SGCG: variants seen among roughly 807,000 people sequenced by gnomAD.
SGCG encodes gamma-sarcoglycan.
A neutral mutation model predicts 29.3 loss-of-function variants in SGCG; 26 were observed. The ratio of observed to expected loss-of-function variants is 0.89; its 90% CI spans 0.65 to 1.23. SGCG has a LOEUF of 1.23. Ranked by LOEUF, SGCG falls within the 50% of genes most tolerant of loss-of-function variation. The pLI is 0.00. For missense variants in SGCG, 353 were observed against 356.0 expected, an observed-to-expected ratio of 0.99 and a Z score of 0.07; for synonymous variants, 145 against 129.7, an observed-to-expected ratio of 1.12 and a Z score of -0.80.
intron 2 of SGCG, among the ~76,000 whole-genome samples, chr13:23,217,773 T>C (rs7995529): frequency 0.092 from 13,979 of 151,994 alleles, 860 homozygotes; most frequent in South Asian, 0.2. Flanking sequence ...ATGCTTTTAC[T>C]GAGATCGCAC....
chr13:23,300,542 A>G (rs1299058047), intron 6 of SGCG, among the ~76,000 whole-genome samples: 1 of 152,112 alleles, frequency 6.6e-6, no homozygotes, highest in Non-Finnish European at 1.5e-5. Flanking sequence ...GTCACAAGAA[A>G]GATTGCTATT....
intron 3 of SGCG, chr13:23,246,002 G>C (rs925028728): frequency 1.3e-5 from 2 of 152,626 alleles, no homozygotes; most frequent in Non-Finnish European, 2.9e-5. Context: ...ACCAGCTCTT[G>C]GTTCAGCAAT....
Position 23,188,732 on chromosome 13 carries a change from T to G in SGCG, c.-1+7657T>G, listed in dbSNP as rs567818245. On this transcript the variant is annotated intron_variant, in intron 1 of 7. Transcript: ENST00000218867. The stretch of plus-strand genomic sequence containing the variant: ...GAATGTCCAAAATGGCCTAGATCCC[T>G]TCTGAGGATAGGAATGTGGCAAGTA... Among the ~76,000 whole-genome samples the G allele has an allele frequency of 2.6e-5, 4 of 152,282 alleles. No individual in the cohort carries two copies. In the South Asian group the frequency reaches 8.3e-4, roughly 32 times the overall value.
intron 1 of SGCG, among the ~76,000 whole-genome samples, chr13:23,182,764 AG>A (rs1433803441): frequency 6.6e-6 from 1 of 152,214 alleles, no homozygotes; most frequent in Non-Finnish European, 1.5e-5. Context: ...ACTGGTGGGT[AG>A]GACCACTGAG....
At chr13:23,200,992 A>G (rs1877727316) in intron 1 of SGCG, among the ~76,000 whole-genome samples, 1 of 152,094 alleles carries the variant, frequency 6.6e-6, no homozygotes, top group South Asian at 2.1e-4. Flanking sequence ...TGAAATGGGA[A>G]GCCACGGGAA....
At chr13:23,210,746 A>T (rs1878167265) in intron 2 of SGCG, among the ~76,000 whole-genome samples, 1 of 152,208 alleles carries the variant, frequency 6.6e-6, no homozygotes, top group African/African-American at 2.4e-5. Context: ...AACTCAGTTT[A>T]TCCTCATAAT....
chr13:23,304,763 A>T (rs926642260), intron 6 of SGCG, among the ~76,000 whole-genome samples: 34 of 152,106 alleles, frequency 2.2e-4, no homozygotes, highest in African/African-American at 7.7e-4. Flanking sequence ...GCCATCATGC[A>T]TGGCTAATTT....
chr13:23,208,831 A>G (rs1593173728), intron 2 of SGCG, among the ~76,000 whole-genome samples: 1 of 152,266 alleles, frequency 6.6e-6, no homozygotes, highest in South Asian at 2.1e-4. Context: ...TTATATTTTC[A>G]TTCTATAAAA....
At chr13:23,195,788 T>C (rs931658566) in intron 1 of SGCG, among the ~76,000 whole-genome samples, 2 of 152,120 alleles carry the variant, frequency 1.3e-5, no homozygotes, top group Non-Finnish European at 2.9e-5. Flanking sequence ...TTTAGTGTGC[T>C]GTGCTGAGCA....
At chr13:23,179,439 T>C (rs1358697265), upstream of SGCG, among the ~76,000 whole-genome samples, 1 of 152,190 alleles carries the variant, frequency 6.6e-6, no homozygotes, top group Non-Finnish European at 1.5e-5. Context: ...CAATTTACGA[T>C]TGATGAAGAG....
chr13:23,188,480 A>ATTT (rs71218545), intron 1 of SGCG, among the ~76,000 whole-genome samples: 6,299 of 120,206 alleles, frequency 0.052, 457 homozygotes, highest in African/African-American at 0.14. Flanking sequence ...CGCCTGCCTA[A>ATTT]TTTTTTTTTT....
At chr13:23,320,878 T>A in intron 7 of SGCG, 118 bp downstream of exon 7, 3 of 1,072,672 alleles carry the variant, frequency 2.8e-6, no homozygotes, top group Non-Finnish European at 4.3e-6. Flanking sequence ...ATTGTGAAGG[T>A]CATAGAGTAG....
At chr13:23,176,584 C>G (rs572502510), upstream of SGCG, among the ~76,000 whole-genome samples, 1 of 151,596 alleles carries the variant, frequency 6.6e-6, no homozygotes, top group East Asian at 1.9e-4. Flanking sequence ...ATTTGCAGGG[C>G]GTATCTTTTT....
At chr13:23,169,823 C>T in the SGCG span, 1 of 151,798 alleles carries the variant, frequency 6.6e-6, no homozygotes, top group African/African-American at 2.4e-5. Context: ...GATCAAACAC[C>T]AACTATACAG....
At chr13:23,174,927 AG>A in the SGCG span, among the ~76,000 whole-genome samples, 60,832 of 151,954 alleles carry the variant, frequency 0.4, 12,519 homozygotes, top group East Asian at 0.54. Flanking sequence ...GTAAACTGAA[AG>A]GAGGGCTGGA....
chr13:23,243,954 C>G (rs1049690004), intron 3 of SGCG: 9 of 152,066 alleles, frequency 5.9e-5, no homozygotes, highest in African/African-American at 2.2e-4. Flanking sequence ...ATAGGTCCAT[C>G]TGCTTCCACA....
At chr13:23,314,117 A>G (rs912767729) in intron 6 of SGCG, among the ~76,000 whole-genome samples, 1 of 151,034 alleles carries the variant, frequency 6.6e-6, no homozygotes, top group Admixed American at 6.6e-5. Flanking sequence ...CTTTATATAT[A>G]TCTATATCTA....
At position 23,299,450 on chromosome 13, in the gene SGCG, ATATATATT is replaced by A; in HGVS notation, c.578+3965_578+3972del. Reference sequence around the variant, plus strand: ...TATATATATATATATATATATATATATATATATTTTTTTTTTTTTTTTAGTCGGAGTCT... The same window carrying A: ...TATATATATATATATATATATATATATTTTTTTTTTTTTTAGTCGGAGTCT... On this transcript the variant is annotated intron_variant, in intron 6 of 7. Transcript: ENST00000218867. Among the ~76,000 whole-genome samples, 2 of 37,692 alleles carry A rather than the reference ATATATATT, an allele frequency of 5.3e-5. 1 individual carries two copies. Among genetic ancestry groups the A allele is most frequent in the African/African-American group, 1.7e-4 (2 of 11,920 alleles). The allele number at this position is 37,692 out of a possible 152,430, so 24.7% of individuals were successfully genotyped here. A position where few individuals can be genotyped will look rare whatever the true frequency, so the allele number is the denominator to read the frequency against.
chr13:23,275,418 G>T (rs1221152187), intron 4 of SGCG, among the ~76,000 whole-genome samples: 2 of 151,452 alleles, frequency 1.3e-5, no homozygotes. Flanking sequence ...CAGGAGAATC[G>T]CTTGAACCCG....
Sources: gnomAD v4.1 joint callset for allele counts (sites outside exome capture counted in the v4.1 genomes callset) on GRCh38, gnomAD v4.1.1 for gene constraint, MANE v1.5 for transcripts, NCBI Gene and HGNC (gene_info 2026-07-23, HGNC 2026-07-21) for gene names.